Variants in NDUFS6 observed in about 807,000 individuals in gnomAD.
NDUFS6 encodes the protein NADH dehydrogenase [ubiquinone] iron-sulfur protein 6, mitochondrial.
Under a neutral mutation model 13.2 loss-of-function variants are expected in NDUFS6, and 14 were observed. That is an observed-to-expected ratio of 1.06 (90% CI 0.70 to 1.66). The LOEUF is 1.66. NDUFS6 is among the 40% of genes most tolerant of loss of function. NDUFS6 has a pLI of 0.00. For missense variants in NDUFS6, 206 were observed against 170.8 expected, an observed-to-expected ratio of 1.21 and a Z score of -1.15; for synonymous variants, 95 against 72.3, an observed-to-expected ratio of 1.31 and a Z score of -1.60.
In NDUFS6 at chr5:1,814,725, G is replaced by A. The variant is rs1579218726; in HGVS notation, c.309+264G>A. On this transcript the variant is annotated intron_variant, in intron 3 of 3. Coordinates refer to ENST00000274137, the MANE Select transcript of NDUFS6 (RefSeq NM_004553.6). This position sits in a 1 kb window ranked among gnomAD's most constrained non-coding sequence, Gnocchi z 4.9. ...GACGCCCAAGCGTCTTTCCTCTCTG[G>A]GCCCTTCTCGGTTTGGTCATCATCT... 3 of 706,356 alleles carry A rather than the reference G, an allele frequency of 4.2e-6. No individual in the cohort carries two copies. The South Asian group carries it at 4.4e-5, about 10-fold the overall frequency. The allele number at this position is 706,356 out of a possible 1,614,324, so 43.8% of individuals were successfully genotyped here.
chr5:1,814,716 T>G lies in NDUFS6; in HGVS notation c.309+255T>G, dbSNP rs1007016711. ...CTCTTCTCGGACGCCCAAGCGTCTTTCCTCTCTGGGCCCTTCTCGGTTTGG... is the reference window on the plus strand; with the variant it reads ...CTCTTCTCGGACGCCCAAGCGTCTTGCCTCTCTGGGCCCTTCTCGGTTTGG... On this transcript the variant is annotated intron_variant, in intron 3 of 3. Coordinates refer to ENST00000274137, the MANE Select transcript of NDUFS6 (RefSeq NM_004553.6). This position sits in a 1 kb window ranked among gnomAD's most constrained non-coding sequence, Gnocchi z 4.9. The G allele has an allele frequency of 1.1e-5, 8 of 712,188 alleles. No homozygotes were observed. The South Asian group carries it at 1.2e-4, about 11-fold the overall frequency. The allele number at this position is 712,188 out of a possible 1,614,324, so 44.1% of individuals were successfully genotyped here. A position where few individuals can be genotyped will look rare whatever the true frequency, so the allele number is the denominator to read the frequency against.
chr5:1,804,040 G>A (rs1485881416), intron 2 of NDUFS6, among the ~76,000 whole-genome samples: 1 of 152,200 alleles, frequency 6.6e-6, no homozygotes, highest in African/African-American at 2.4e-5. Flanking sequence ...GGTTTCTTTT[G>A]GCAGTGACCG....
intron 2 of NDUFS6, among the ~76,000 whole-genome samples, chr5:1,808,030 A>G (rs975286622): frequency 6.6e-6 from 1 of 152,208 alleles, no homozygotes; most frequent in South Asian, 2.1e-4. Context: ...CCAGCCAGAC[A>G]GTGGTGGCTG....
At chr5:1,810,371 A>G (rs752724413) in intron 2 of NDUFS6, among the ~76,000 whole-genome samples, 5 of 152,098 alleles carry the variant, frequency 3.3e-5, no homozygotes, top group Admixed American at 6.5e-5. Context: ...TTCCCTCTAC[A>G]TGCACAGATG....
At chr5:1,805,539 C>T (rs552011599) in intron 2 of NDUFS6, among the ~76,000 whole-genome samples, 4 of 152,282 alleles carry the variant, frequency 2.6e-5, no homozygotes, top group African/African-American at 9.6e-5. Context: ...TCCTCACGTG[C>T]TAAAGAATGT....
chr5:1,814,103 A>G lies in NDUFS6; in HGVS notation c.187-236A>G, dbSNP rs1157598405. Among the ~76,000 whole-genome samples the G allele has an allele frequency of 2.0e-5, 3 of 152,252 alleles. No homozygotes were observed. The highest frequency in any genetic ancestry group is 2.9e-5 in the Non-Finnish European group (2 of 68,040). On this transcript the variant is annotated intron_variant, in intron 2 of 3. Transcript: ENST00000274137. The surrounding 1 kb of genome is among the most constrained non-coding windows in gnomAD (Gnocchi z 4.9). ...CTGGGTCCACGGGGACAGAAGGGAAAGGCTCTGTGCTGCTGGGATTCTTGC... is the reference window on the plus strand; with the variant it reads ...CTGGGTCCACGGGGACAGAAGGGAAGGGCTCTGTGCTGCTGGGATTCTTGC...
At chr5:1,811,467 A>G (rs886089479) in intron 2 of NDUFS6, among the ~76,000 whole-genome samples, 6 of 152,240 alleles carry the variant, frequency 3.9e-5, no homozygotes, top group African/African-American at 1.4e-4. Flanking sequence ...AATATTCTTG[A>G]TCATGCATGT....
chr5:1,811,144 T>G lies in NDUFS6; in HGVS notation c.187-3195T>G, dbSNP rs546372195. Among the ~76,000 whole-genome samples the G allele has an allele frequency of 3.3e-5, 5 of 152,386 alleles. No homozygotes were observed. The East Asian group carries it at 7.7e-4, about 23-fold the overall frequency. On this transcript the variant is annotated intron_variant, in intron 2 of 3. Transcript: ENST00000274137. Reference sequence around the variant, plus strand: ...TACTTTATTATAAGAATCCAATATATAATACTTGTAACATGCAAAATATAT... The same window carrying G: ...TACTTTATTATAAGAATCCAATATAGAATACTTGTAACATGCAAAATATAT...
chr5:1,805,881 G>A (rs1734114746), intron 2 of NDUFS6, among the ~76,000 whole-genome samples: 1 of 151,928 alleles, frequency 6.6e-6, no homozygotes. Context: ...GGCCGCATCC[G>A]GATTCAGGCT....
At chr5:1,805,320 A>G (rs1734106782) in intron 2 of NDUFS6, among the ~76,000 whole-genome samples, 1 of 152,064 alleles carries the variant, frequency 6.6e-6, no homozygotes, top group Admixed American at 6.5e-5. Context: ...ACAGAGCAAG[A>G]CTCTATCTCC....
Position 1,816,030 on chromosome 5 carries a change from G to T in NDUFS6, c.*114G>T, listed in dbSNP as rs1734304805. 4 of 1,180,514 alleles carry T rather than the reference G, an allele frequency of 3.4e-6. No individual in the cohort carries two copies. The East Asian group carries it at 9.3e-5, about 28-fold the overall frequency. The allele number at this position is 1,180,514 out of a possible 1,614,324, so 73.1% of individuals were successfully genotyped here. A position where few individuals can be genotyped will look rare whatever the true frequency, so the allele number is the denominator to read the frequency against. The stretch of plus-strand genomic sequence containing the variant: ...GGGTATTCCTGGTGCTGAATAAAGG[G>T]TGTTGCTGTCAAGGCTGACAATTTG... On this transcript the variant is annotated 3_prime_UTR_variant, in exon 4 of 4. Coordinates refer to ENST00000274137, the MANE Select transcript of NDUFS6 (RefSeq NM_004553.6).
At chr5:1,809,237 G>A (rs779360316) in intron 2 of NDUFS6, among the ~76,000 whole-genome samples, 17 of 152,324 alleles carry the variant, frequency 1.1e-4, no homozygotes, top group Middle Eastern at 6.8e-3. Flanking sequence ...ATGATGTGCC[G>A]TGTGCTTAAC....
At chr5:1,815,550 C>T (rs373887716) in intron 3 of NDUFS6, among the ~76,000 whole-genome samples, 7 of 152,160 alleles carry the variant, frequency 4.6e-5, no homozygotes, top group Non-Finnish European at 7.3e-5. Context: ...GCCTCACTGT[C>T]GTGTGCAGCA....
chr5:1,810,208 C>T (rs910260648), intron 2 of NDUFS6, among the ~76,000 whole-genome samples: 4 of 152,198 alleles, frequency 2.6e-5, no homozygotes, highest in Non-Finnish European at 5.9e-5. Flanking sequence ...CACAAAGTTT[C>T]AGGCTGTGCC....
chr5:1,811,318 C>T (rs1433151926), intron 2 of NDUFS6, among the ~76,000 whole-genome samples: 1 of 151,864 alleles, frequency 6.6e-6, no homozygotes, highest in South Asian at 2.1e-4. Flanking sequence ...TTAACTGTAC[C>T]TTCAAAAGAT....
At chr5:1,805,034 T>C (rs1734102656) in intron 2 of NDUFS6, among the ~76,000 whole-genome samples, 1 of 152,194 alleles carries the variant, frequency 6.6e-6, no homozygotes, top group African/African-American at 2.4e-5. Flanking sequence ...AGTAATACTT[T>C]AAGAAGTAAA....
At chr5:1,811,860 C>T (rs1265643473) in intron 2 of NDUFS6, among the ~76,000 whole-genome samples, 1 of 152,162 alleles carries the variant, frequency 6.6e-6, no homozygotes, top group Non-Finnish European at 1.5e-5. Flanking sequence ...TGATCATTGT[C>T]TCTTACATCT....
chr5:1,814,478 C>T lies in NDUFS6; in HGVS notation c.309+17C>T. ...ATAAACTTGGTGCGTAGCTGGCCAC[C>T]TGTGCACATGTTAGGGCAGCCTGCT... On this transcript the variant is annotated intron_variant, in intron 3 of 3. Transcript: ENST00000274137. This position sits in a 1 kb window ranked among gnomAD's most constrained non-coding sequence, Gnocchi z 4.9. The T allele has an allele frequency of 6.2e-7, 1 of 1,614,200 alleles. No homozygotes were observed. The highest frequency in any genetic ancestry group is 8.5e-7 in the Non-Finnish European group (1 of 1,180,046).
At chr5:1,809,427 C>G (rs1399878990) in intron 2 of NDUFS6, among the ~76,000 whole-genome samples, 2 of 152,024 alleles carry the variant, frequency 1.3e-5, no homozygotes, top group South Asian at 4.2e-4. Context: ...GGAGCTTGGC[C>G]GTGTGAACCC....
Sources: allele counts gnomAD v4.1 joint callset (sites outside exome capture counted in the v4.1 genomes callset), GRCh38; gene constraint gnomAD v4.1.1; non-coding constraint Gnocchi (gnomAD v3.1); transcripts MANE v1.5; gene names NCBI Gene and HGNC (gene_info 2026-07-23, HGNC 2026-07-21).